Variants in ZNF462 observed in about 807,000 individuals in gnomAD.
The protein encoded by ZNF462 is zinc finger PBX1-interacting protein.
In ZNF462, 10 loss-of-function variants were observed where a neutral mutation model predicts 201.9. That is an observed-to-expected ratio of 0.05 (90% CI 0.03 to 0.08). The LOEUF is 0.08. Ranked by LOEUF, ZNF462 falls within the 10% of genes least tolerant of loss-of-function variation. ZNF462 has a pLI of 1.00. For missense variants in ZNF462, 2,523 were observed against 3,168.3 expected (o/e 0.80, Z 4.89); for synonymous variants, 1,227 against 1,193.3 (o/e 1.03, Z -0.58).
Position 106,905,981 on chromosome 9 carries a change from C to G in ZNF462, c.-30-17373C>G, listed in dbSNP as rs1564088684. Among the ~76,000 whole-genome samples, 1 of 152,298 alleles carries G rather than the reference C, an allele frequency of 6.6e-6. No homozygotes were observed. Among genetic ancestry groups the G allele is most frequent in the East Asian group, 1.9e-4 (1 of 5,176 alleles). ...TCCTTCTCCCTGTGGAGTTTTACCC[C>G]CTGCTCCTCTGGCCACCCTCCCAAT... On this transcript the variant is annotated intron_variant, in intron 1 of 12. Coordinates refer to ENST00000277225, the MANE Select transcript of ZNF462 (RefSeq NM_021224.6). The surrounding 1 kb of genome is among the most constrained non-coding windows in gnomAD (Gnocchi z 5.9).
At position 106,925,340 on chromosome 9, in the gene ZNF462, G is replaced by A. The variant is rs201191200; in HGVS notation, c.1428G>A (p.Pro476=). The change falls in exon 3 of 13, where the codon CCG becomes CCA. Residue 476 remains proline (P), a synonymous_variant. Coordinates refer to ENST00000277225, the MANE Select transcript of ZNF462 (RefSeq NM_021224.6). This position sits in a 1 kb window ranked among gnomAD's most constrained non-coding sequence, Gnocchi z 7.9. ...KTAVYKCDEC[P]FTCKSSLKLG... ...CTGTCTACAAATGTGACGAATGTCC[G>A]TTTACTTGCAAGAGCTCGTTGAAAC... 107 of 1,614,056 alleles carry A rather than the reference G, an allele frequency of 6.6e-5. No individual in the cohort carries two copies. Among genetic ancestry groups the A allele is most frequent in the African/African-American group, 8.0e-5 (6 of 74,902 alleles).
At chr9:106,888,272 A>G (rs574011099) in intron 1 of ZNF462, among the ~76,000 whole-genome samples, 82 of 150,638 alleles carry the variant, frequency 5.4e-4, no homozygotes, top group Non-Finnish European at 9.6e-4. Flanking sequence ...CGATCTCCTG[A>G]CCTCGTGATC....
In ZNF462 at chr9:106,991,839, TACACACAC is replaced by T. The variant is rs200978759; in HGVS notation, c.7056+7466_7056+7473del. 7.2e-3 allele frequency among the ~76,000 whole-genome samples: 978 copies of T among 136,322 alleles called. 7 individuals carry two copies. The highest frequency in any genetic ancestry group is 0.015 in the African/African-American group (541 of 35,388). The allele number at this position is 136,322 out of a possible 152,430, so 89.4% of individuals were successfully genotyped here. On this transcript the variant is annotated intron_variant, in intron 10 of 12. Transcript: ENST00000277225. ...GACCCTTGACCTTTACAGCACTCTC[TACACACAC>T]ACACACACACACACACACACACACA... is the stretch of plus-strand genomic sequence containing the variant.
chr9:106,975,884 A>G (rs998878465), intron 9 of ZNF462: 15 of 152,234 alleles, frequency 9.9e-5, no homozygotes, highest in African/African-American at 3.6e-4. Flanking sequence ...CTACGACCAC[A>G]AATACTCCCA....
intron 7 of ZNF462, among the ~76,000 whole-genome samples, chr9:106,940,829 A>C (rs1830838467): frequency 2.6e-5 from 4 of 152,096 alleles, no homozygotes. Flanking sequence ...AGGGTAAAGA[A>C]AATGTCCCCT....
chr9:106,864,349 T>TGAGGAAGG (rs1387213851), intron 1 of ZNF462, among the ~76,000 whole-genome samples: 2 of 151,858 alleles, frequency 1.3e-5, no homozygotes, highest in African/African-American at 4.8e-5. Flanking sequence ...GGCTCTCCTC[T>TGAGGAAGG]GAGGAAGGGA....
chr9:106,877,672 G>A (rs943786813), intron 1 of ZNF462, among the ~76,000 whole-genome samples: 65 of 152,080 alleles, frequency 4.3e-4, no homozygotes, highest in Admixed American at 3.2e-3. Flanking sequence ...AAGCCACTGC[G>A]TCCAGCCAGA....
chr9:106,866,556 C>T (rs1827340075), intron 1 of ZNF462, among the ~76,000 whole-genome samples: 1 of 152,046 alleles, frequency 6.6e-6, no homozygotes, highest in South Asian at 2.1e-4. Context: ...GACGTGTATG[C>T]TTATTTAAAA....
chr9:106,916,571 G>A (rs534426255), intron 1 of ZNF462, among the ~76,000 whole-genome samples: 17 of 152,210 alleles, frequency 1.1e-4, no homozygotes, highest in African/African-American at 2.7e-4. Flanking sequence ...TTTAGCTCTG[G>A]GGGGGGAGAA....
Position 106,876,906 on chromosome 9 carries a change from C to G in ZNF462, c.-31+13551C>G, listed in dbSNP as rs1827855607. ...TCTACTCACATACATATCTCTTAGC[C>G]AGTTTGAGGACTGCCCCATAGCCTG... is the stretch of plus-strand genomic sequence containing the variant. On this transcript the variant is annotated intron_variant, in intron 1 of 12. Coordinates refer to ENST00000277225, the MANE Select transcript of ZNF462 (RefSeq NM_021224.6). The surrounding 1 kb of genome is among the most constrained non-coding windows in gnomAD (Gnocchi z 4.9). Among the ~76,000 whole-genome samples the G allele has an allele frequency of 6.6e-6, 1 of 152,144 alleles. No individual in the cohort carries two copies. Among genetic ancestry groups the G allele is most frequent in the African/African-American group, 2.4e-5 (1 of 41,412 alleles).
At chr9:106,881,195 G>A (rs1828079624) in intron 1 of ZNF462, among the ~76,000 whole-genome samples, 2 of 152,276 alleles carry the variant, frequency 1.3e-5, no homozygotes, top group South Asian at 4.2e-4. Context: ...AGAAACTCTA[G>A]ACCATCTTTT....
At chr9:106,899,444 A>G (rs1828963505) in intron 1 of ZNF462, among the ~76,000 whole-genome samples, 1 of 152,144 alleles carries the variant, frequency 6.6e-6, no homozygotes, top group Non-Finnish European at 1.5e-5. Context: ...GGGACATGGG[A>G]GCGCCACTTC....
chr9:106,930,791 G>A lies in ZNF462; in HGVS notation c.6012+102G>A, dbSNP rs182286262. ...CTCAGGAAAGAGCATCTCAGAATGC[G>A]GGCATTCCTGAATTATGCTTGGATT... is the stretch of plus-strand genomic sequence containing the variant. On this transcript the variant is annotated intron_variant, in intron 4 of 12. Transcript: ENST00000277225. The surrounding 1 kb of genome is among the most constrained non-coding windows in gnomAD (Gnocchi z 5.8). 1.2e-3 allele frequency: 1,650 copies of A among 1,384,620 alleles called. 13 individuals carry two copies. In the African/African-American group the frequency reaches 0.013, roughly 11 times the overall value. 85.8% of individuals were successfully genotyped at this position (1,384,620 alleles called of 1,614,324 possible). A position where few individuals can be genotyped will look rare whatever the true frequency, so the allele number is the denominator to read the frequency against.
Position 106,902,124 on chromosome 9 carries a change from A to C in ZNF462, c.-30-21230A>C, listed in dbSNP as rs532678739. Among the ~76,000 whole-genome samples the C allele has an allele frequency of 5.2e-4, 79 of 152,272 alleles. No homozygotes were observed. The highest frequency in any genetic ancestry group is 9.7e-4 in the Non-Finnish European group (66 of 68,002). On this transcript the variant is annotated intron_variant, in intron 1 of 12. Transcript: ENST00000277225. The surrounding 1 kb of genome is among the most constrained non-coding windows in gnomAD (Gnocchi z 4.2). ...GCTGATTTTGCCAAGCGTTTTAATCATAAAGGGATGCTGGATTTTGTCGAA... is the reference window on the plus strand; with the variant it reads ...GCTGATTTTGCCAAGCGTTTTAATCCTAAAGGGATGCTGGATTTTGTCGAA...
At chr9:106,864,853 G>A (rs755663932) in intron 1 of ZNF462, among the ~76,000 whole-genome samples, 1 of 152,162 alleles carries the variant, frequency 6.6e-6, no homozygotes, top group African/African-American at 2.4e-5. Flanking sequence ...TTTGGAGGAA[G>A]TGACTAGTTT....
rs199840801 is a variant in ZNF462, at chr9:106,928,865, C to T, written c.4953C>T (p.Thr1651=). The T allele has an allele frequency of 6.4e-5, 103 of 1,613,942 alleles. No homozygotes were observed. The highest frequency in any genetic ancestry group is 7.7e-5 in the Non-Finnish European group (91 of 1,180,028). The change falls in exon 3 of 13, where the codon ACC becomes ACT. Residue 1651 remains threonine, a synonymous_variant. Coordinates refer to ENST00000277225, the MANE Select transcript of ZNF462 (RefSeq NM_021224.6). This position sits in a 1 kb window ranked among gnomAD's most constrained non-coding sequence, Gnocchi z 9.3. ...EEPVSTSHFS[T]SHLVSHTVFR... is the part of the protein sequence containing the mutation. ...CCGTGTCCACTTCTCACTTCTCTACCTCCCACCTGGTCTCCCACACTGTGT... is the reference window on the plus strand; with the variant it reads ...CCGTGTCCACTTCTCACTTCTCTACTTCCCACCTGGTCTCCCACACTGTGT...
intron 1 of ZNF462, among the ~76,000 whole-genome samples, chr9:106,899,251 G>GGT (rs1308626773): frequency 1.6e-5 from 2 of 123,504 alleles, no homozygotes; most frequent in Admixed American, 1.6e-4. Flanking sequence ...GGGGGGGGGG[G>GGT]GTGTGTGCAT....
At position 106,930,826 on chromosome 9, in the gene ZNF462, T is replaced by C; in HGVS notation, c.6012+137T>C. 2.7e-6 allele frequency: 3 copies of C among 1,117,836 alleles called. No individual in the cohort carries two copies. The highest frequency in any genetic ancestry group is 3.7e-6 in the Non-Finnish European group (3 of 801,678). The allele number at this position is 1,117,836 out of a possible 1,614,324, so 69.2% of individuals were successfully genotyped here. A position where few individuals can be genotyped will look rare whatever the true frequency, so the allele number is the denominator to read the frequency against. The stretch of plus-strand genomic sequence containing the variant: ...GAATTATGCTTGGATTGGTTTGGCT[T>C]GTTTTGATTTCTTTGCAGGTTGGAC... On this transcript the variant is annotated intron_variant, in intron 4 of 12. Transcript: ENST00000277225. The surrounding 1 kb of genome is among the most constrained non-coding windows in gnomAD (Gnocchi z 5.8).
chr9:106,955,051 A>G (rs1036904667), intron 7 of ZNF462, among the ~76,000 whole-genome samples: 10 of 152,242 alleles, frequency 6.6e-5, no homozygotes, highest in Middle Eastern at 3.4e-3. Flanking sequence ...TGGCCACGCT[A>G]CTAACAACAG....
Sources: allele counts gnomAD v4.1 joint callset (sites outside exome capture counted in the v4.1 genomes callset), GRCh38; gene constraint gnomAD v4.1.1; non-coding constraint Gnocchi (gnomAD v3.1); transcripts MANE v1.5; gene names NCBI Gene and HGNC (gene_info 2026-07-23, HGNC 2026-07-21).